The following USP54 variants were observed in gnomAD, a reference collection of about 807,000 sequenced individuals.
USP54 encodes ubiquitin carboxyl-terminal hydrolase 54.
USP54 carries 87 observed loss-of-function variants against 170.5 expected under a neutral mutation model. The ratio of observed to expected loss-of-function variants is 0.51; its 90% confidence interval spans 0.43 to 0.61. The LOEUF (loss-of-function observed/expected upper bound fraction) is 0.61, where lower values mean the gene tolerates loss of function less well. USP54 is among the 20% of genes least tolerant of loss of function. The pLI is 0.00. For missense variants in USP54, 1,786 were observed against 2,047.8 expected (o/e 0.87, Z 2.47); for synonymous variants, 655 against 742.8 (o/e 0.88, Z 1.92).
intron 4 of USP54, among the ~76,000 whole-genome samples, chr10:73,552,296 C>T (rs2069592578): frequency 6.6e-6 from 1 of 151,960 alleles, no homozygotes; most frequent in African/African-American, 2.4e-5. Context: ...GCCTATAGTC[C>T]CAGCTACTCG....
At chr10:73,625,407 C>T (rs1226033956) in intron 1 of USP54, among the ~76,000 whole-genome samples, 1 of 152,124 alleles carries the variant, frequency 6.6e-6, no homozygotes, top group African/African-American at 2.4e-5. Context: ...GCCACCATTC[C>T]CGCCACGGCC....
intron 1 of USP54, among the ~76,000 whole-genome samples, chr10:73,612,742 G>C (rs1448808434): frequency 6.8e-6 from 1 of 147,622 alleles, no homozygotes; most frequent in Admixed American, 7.0e-5. Flanking sequence ...TCAGGAAGCT[G>C]ACGCAGGAAA....
In USP54 at chr10:73,534,472, G is replaced by A. The variant is rs564668657; in HGVS notation, c.1315+128C>T. On this transcript the variant is annotated intron_variant, in intron 12 of 23. Transcript: ENST00000687698. ...CATGATCCACCCACCTTGGCCGCCC[G>A]CCTCGGCCTCCCAAAGTGCTGGGAT... is the stretch of plus-strand genomic sequence containing the variant. 6.1e-5 allele frequency: 67 copies of A among 1,101,724 alleles called. 1 individual carries two copies. The highest frequency in any genetic ancestry group is 5.8e-4 in the African/African-American group (37 of 63,854). 68.2% of individuals were successfully genotyped at this position (1,101,724 alleles called of 1,614,324 possible). A position where few individuals can be genotyped will look rare whatever the true frequency, so the allele number is the denominator to read the frequency against.
At chr10:73,557,878 CTTTT>C (rs765656681) in intron 4 of USP54, among the ~76,000 whole-genome samples, 1 of 115,002 alleles carries the variant, frequency 8.7e-6, no homozygotes, top group Non-Finnish European at 1.8e-5. Flanking sequence ...AGCTATTATT[CTTTT>C]TTTTTTTTTT....
chr10:73,550,695 A>ATC (rs10658284), intron 4 of USP54, among the ~76,000 whole-genome samples: 18,321 of 152,146 alleles, frequency 0.12, 3,542 homozygotes, highest in African/African-American at 0.41. Flanking sequence ...TATTATTAAA[A>ATC]TCTGTTTTTT....
chr10:73,561,104 CAA>C (rs919887025), intron 4 of USP54, among the ~76,000 whole-genome samples: 1,814 of 30,114 alleles, frequency 0.06, 14 homozygotes, highest in African/African-American at 0.14. Flanking sequence ...GACTCCATCT[CAA>C]AAAAAAAAAA....
At chr10:73,580,007 G>A (rs910990074) in intron 1 of USP54, among the ~76,000 whole-genome samples, 1 of 152,010 alleles carries the variant, frequency 6.6e-6, no homozygotes, top group African/African-American at 2.4e-5. Context: ...AGAGCAACTG[G>A]AACTCTCCTA....
intron 1 of USP54, among the ~76,000 whole-genome samples, chr10:73,617,019 T>A (rs2080697544): frequency 2.7e-5 from 4 of 150,658 alleles, no homozygotes; most frequent in Admixed American, 6.6e-5. Flanking sequence ...GATGTTAGGC[T>A]GGGCACAGTG....
intron 1 of USP54, chr10:73,614,015 G>A: frequency 1.3e-5 from 2 of 152,096 alleles, no homozygotes; most frequent in Non-Finnish European, 2.9e-5. Context: ...GACCAGCTAG[G>A]CCATGGAGAA....
At chr10:73,527,854 A>C (rs1268919229) in intron 15 of USP54, among the ~76,000 whole-genome samples, 2 of 151,532 alleles carry the variant, frequency 1.3e-5, no homozygotes, top group East Asian at 3.9e-4. Context: ...AAAAAAAAAA[A>C]AAAAGCAACG....
rs770501386 is a variant in USP54, at chr10:73,575,613, G to T, written c.46C>A (p.Gln16Lys). ...GAGCTTCGAGGTGCAAACATCCCTT[G>T]TACACTACCACGACCCCCTGAAAAA... ...NYFSGGRGSV[Q>K]GMFAPRSSTS... The change falls in exon 3 of 24, where the codon CAA (glutamine) becomes AAA (lysine). Residue 16 changes from glutamine to lysine, a missense_variant. Gln to Lys is a moderately conservative substitution (Grantham distance 53). Around this residue, in one of 3 missense-constraint regions of USP54, gnomAD observed 361 missense variants for 455.0 expected, o/e 0.79. Coordinates refer to ENST00000687698, the MANE Select transcript of USP54 (RefSeq NM_001391956.1). 2.5e-6 allele frequency: 4 copies of T among 1,613,178 alleles called. No individual in the cohort carries two copies. Among genetic ancestry groups the T allele is most frequent in the Non-Finnish European group, 3.4e-6 (4 of 1,179,746 alleles).
intron 5 of USP54, among the ~76,000 whole-genome samples, chr10:73,544,186 G>A (rs143882587): frequency 1.8e-4 from 27 of 152,208 alleles, no homozygotes; most frequent in African/African-American, 5.5e-4. Context: ...CAAGTGATCC[G>A]CCCACCTTGG....
chr10:73,564,950 T>C (rs1057116084), intron 4 of USP54, among the ~76,000 whole-genome samples: 6 of 146,634 alleles, frequency 4.1e-5, no homozygotes, highest in African/African-American at 1.5e-4. Context: ...GGCACACATC[T>C]ATAGTCCTAG....
chr10:73,623,103 C>G (rs2081221339), intron 1 of USP54, among the ~76,000 whole-genome samples: 1 of 152,204 alleles, frequency 6.6e-6, no homozygotes, highest in South Asian at 2.1e-4. Flanking sequence ...TTAGGCTGGG[C>G]ATGGTGGCTC....
intron 17 of USP54, among the ~76,000 whole-genome samples, chr10:73,522,207 C>T (rs1415147954): frequency 6.6e-6 from 1 of 152,226 alleles, no homozygotes; most frequent in Non-Finnish European, 1.5e-5. Flanking sequence ...AGGATCCACT[C>T]TATCTCTAGA....
At chr10:73,599,340 AT>A (rs2078991377) in intron 1 of USP54, among the ~76,000 whole-genome samples, 1 of 152,228 alleles carries the variant, frequency 6.6e-6, no homozygotes, top group African/African-American at 2.4e-5. Flanking sequence ...AAGTAATGAA[AT>A]TCAAAAATAG....
intron 1 of USP54, among the ~76,000 whole-genome samples, chr10:73,599,035 C>T (rs112011820): frequency 0.036 from 5,416 of 152,216 alleles, 154 homozygotes; most frequent in South Asian, 0.12. Flanking sequence ...GCCGAGATCA[C>T]GCCACTGCAT....
rs925089817 is a variant in USP54, at chr10:73,576,219, A to C, written c.-439T>G. 1.3e-5 allele frequency: 2 copies of C among 152,242 alleles called. No homozygotes were observed. Among genetic ancestry groups the C allele is most frequent in the African/African-American group, 2.4e-5 (1 of 41,438 alleles). 9.4% of individuals were successfully genotyped at this position (152,242 alleles called of 1,614,324 possible). A position where few individuals can be genotyped will look rare whatever the true frequency, so the allele number is the denominator to read the frequency against. On this transcript the variant is annotated 5_prime_UTR_variant, in exon 2 of 24. Coordinates refer to ENST00000687698, the MANE Select transcript of USP54 (RefSeq NM_001391956.1). ...AAAAGGTTCCACAAAGCCAAGAAGA[A>C]GCCTGTTTGAATCATCTGAGGTTTT...
chr10:73,517,203 T>C lies in USP54; in HGVS notation c.3223A>G (p.Ile1075Val). ...ACAAATGAAGAAGCAACAGGCATTA[T>C]GGGGTGGCAGGTTCTATACAGGGGA... ...SLPLYRTCHP[I>V]MPVASSFVLH... The change falls in exon 20 of 24, where the codon ATA (isoleucine) becomes GTA (valine). Residue 1075 changes from isoleucine to valine, a missense_variant. Around this residue, in one of 3 missense-constraint regions of USP54, gnomAD observed 1,418 missense variants for 1,569.0 expected, o/e 0.90. Transcript: ENST00000687698. 1 of 1,614,198 alleles carries C rather than the reference T, an allele frequency of 6.2e-7. No homozygotes were observed. Among genetic ancestry groups the C allele is most frequent in the South Asian group, 1.1e-5 (1 of 91,086 alleles).
Sources: allele counts gnomAD v4.1 joint callset (sites outside exome capture counted in the v4.1 genomes callset), GRCh38; gene constraint gnomAD v4.1.1; regional missense constraint gnomAD v4.1.1; transcripts MANE v1.5; gene names NCBI Gene and HGNC (gene_info 2026-07-23, HGNC 2026-07-21).